BIN2: variants seen among roughly 807,000 people sequenced by gnomAD.
BIN2 encodes breast cancer associated protein BRAP1.
A neutral mutation model predicts 67.9 loss-of-function variants in BIN2; 43 were observed. That is an observed-to-expected ratio of 0.63 (90% CI 0.50 to 0.82). The LOEUF (loss-of-function observed/expected upper bound fraction) is 0.82, where lower values mean the gene tolerates loss of function less well. BIN2 is among the 40% of genes least tolerant of loss of function. The pLI, the probability that BIN2 is intolerant of heterozygous loss-of-function variation, is 0.00. For missense variants in BIN2, 581 were observed against 671.6 expected (o/e 0.87, Z 1.49); for synonymous variants, 244 against 246.8 (o/e 0.99, Z 0.11).
intron 2 of BIN2, among the ~76,000 whole-genome samples, chr12:51,310,202 C>A (rs1321705946): frequency 6.6e-6 from 1 of 152,194 alleles, no homozygotes; most frequent in Non-Finnish European, 1.5e-5. Context: ...TAAGTCTATC[C>A]ATTTATAGAA....
intron 2 of BIN2, among the ~76,000 whole-genome samples, chr12:51,309,810 A>G (rs975132263): frequency 3.3e-5 from 5 of 152,178 alleles, no homozygotes; most frequent in South Asian, 2.1e-4. Context: ...GTTCTTCCTG[A>G]TGGCGCTTCT....
chr12:51,324,118 G>T lies in BIN2; in HGVS notation c.-16C>A. On this transcript the variant is annotated 5_prime_UTR_variant, in exon 1 of 13. Coordinates refer to ENST00000615107, the MANE Select transcript of BIN2 (RefSeq NM_016293.4). ...CCTCTGCCATCCTGCCAACTCCCTG[G>T]GGGCCGCCGCCCTGGCCCCGCGCCC... 6.2e-7 allele frequency: 1 copy of T among 1,611,964 alleles called. No individual in the cohort carries two copies.
At chr12:51,321,565 G>C (rs6580824) in intron 1 of BIN2, among the ~76,000 whole-genome samples, 1 of 151,664 alleles carries the variant, frequency 6.6e-6, no homozygotes, top group South Asian at 2.1e-4. Context: ...ACACCCGGCT[G>C]ATTTTGTATT....
At chr12:51,299,400 C>G (rs1317478544) in intron 6 of BIN2, 112 bp from the exon 7 acceptor site, 2 of 1,106,562 alleles carry the variant, frequency 1.8e-6, no homozygotes, top group East Asian at 2.4e-5. Flanking sequence ...GGAGCCATCC[C>G]TCTTCTTCCC....
chr12:51,321,392 G>A (rs974722908), intron 1 of BIN2, among the ~76,000 whole-genome samples: 1 of 152,052 alleles, frequency 6.6e-6, no homozygotes, highest in African/African-American at 2.4e-5. Flanking sequence ...AAGGGAGAGA[G>A]AATCACTTTG....
At chr12:51,303,281 C>T in intron 2 of BIN2, 140 bp from the exon 3 acceptor site, 7 of 844,240 alleles carry the variant, frequency 8.3e-6, no homozygotes, top group South Asian at 7.7e-5. Context: ...ATAAGTCAGC[C>T]TTTACTTTCT....
chr12:51,284,669 C>A, intron 12 of BIN2, 47 bp downstream of exon 12: 1 of 1,454,322 alleles, frequency 6.9e-7, no homozygotes, highest in South Asian at 1.1e-5. Flanking sequence ...TTTCCCAAAC[C>A]CCTGTCAATC....
intron 1 of BIN2, among the ~76,000 whole-genome samples, chr12:51,318,652 C>T (rs1442310739): frequency 1.3e-5 from 2 of 152,170 alleles, no homozygotes; most frequent in African/African-American, 4.8e-5. Flanking sequence ...CAGATATGGG[C>T]TCCTATCTTG....
rs538372967 is a variant in BIN2 at position 51,317,944 on chromosome 12, C to T, written c.82-4041G>A. Among the ~76,000 whole-genome samples, 96 of 151,998 alleles carry T rather than the reference C, an allele frequency of 6.3e-4. 1 individual carries two copies. Among genetic ancestry groups the T allele is most frequent in the African/African-American group, 2.1e-3 (88 of 41,460 alleles). On this transcript the variant is annotated intron_variant, in intron 1 of 12. Transcript: ENST00000615107. Reference sequence around the variant, plus strand: ...CGGAGCTTGCAGTGACCCGAGATAGCGCCACCGCAGTCCGGCCTAGGCAAA... The same window carrying T: ...CGGAGCTTGCAGTGACCCGAGATAGTGCCACCGCAGTCCGGCCTAGGCAAA...
At chr12:51,295,995 G>T in intron 8 of BIN2, 117 bp from the exon 9 acceptor site, 1 of 759,090 alleles carries the variant, frequency 1.3e-6, no homozygotes. Flanking sequence ...TTTCAATTCT[G>T]ATGTGAATTC....
At chr12:51,293,102 A>C (rs1490422247) in intron 9 of BIN2, among the ~76,000 whole-genome samples, 2 of 152,026 alleles carry the variant, frequency 1.3e-5, no homozygotes, top group Non-Finnish European at 2.9e-5. Flanking sequence ...TGGTTGATGA[A>C]AATGTTGTGA....
chr12:51,302,373 G>A (rs1360836338), intron 4 of BIN2: 18 of 528,026 alleles, frequency 3.4e-5, no homozygotes, highest in South Asian at 2.3e-4. Flanking sequence ...GAGCTTAGAT[G>A]GGAAAGTTTA....
At chr12:51,308,347 C>T (rs777350438) in intron 2 of BIN2, among the ~76,000 whole-genome samples, 2 of 152,160 alleles carry the variant, frequency 1.3e-5, no homozygotes, top group African/African-American at 2.4e-5. Context: ...GAATCCTTGC[C>T]GAATTCTTGG....
At chr12:51,306,453 T>G (rs954578725) in intron 2 of BIN2, among the ~76,000 whole-genome samples, 1 of 151,996 alleles carries the variant, frequency 6.6e-6, no homozygotes, top group African/African-American at 2.4e-5. Flanking sequence ...ATGGTGAAAG[T>G]CCGTCTCCAC....
chr12:51,289,513 G>T (rs1265638444), intron 10 of BIN2, among the ~76,000 whole-genome samples: 1 of 152,062 alleles, frequency 6.6e-6, no homozygotes, highest in African/African-American at 2.4e-5. Context: ...TACGTGGGAG[G>T]CTAAGGAGGG....
Position 51,297,533 on chromosome 12 carries a change from C to CTCCA in BIN2, c.603-373_603-370dup, listed in dbSNP as rs1235423966. 9.2e-5 allele frequency among the ~76,000 whole-genome samples: 14 copies of CTCCA among 152,224 alleles called. No homozygotes were observed. The East Asian group carries it at 2.3e-3, about 25-fold the overall frequency. ...AGTGAGCCGAGATCGTGCCACTGCA[C>CTCCA]TCCAGCCTGGGCGACAGAGCGAGAC... On this transcript the variant is annotated intron_variant, in intron 7 of 12. Transcript: ENST00000615107.
chr12:51,307,261 C>T (rs1945890402), intron 2 of BIN2, among the ~76,000 whole-genome samples: 2 of 135,168 alleles, frequency 1.5e-5, no homozygotes, highest in African/African-American at 2.8e-5. Context: ...CTAGCCTGGG[C>T]GACAGAGTGA....
intron 5 of BIN2, among the ~76,000 whole-genome samples, chr12:51,301,174 C>T (rs370226395): frequency 2.6e-4 from 39 of 152,004 alleles, no homozygotes; most frequent in African/African-American, 7.0e-4. Context: ...GCCAAGACTG[C>T]GCCATTGCAC....
rs960878663 is a variant in BIN2 at position 51,323,963 on chromosome 12, G to GCTCGGC, written c.81+53_81+58dup. 64 of 1,594,666 alleles carry GCTCGGC rather than the reference G, an allele frequency of 4.0e-5. No homozygotes were observed. In the African/African-American group the frequency reaches 5.3e-4, roughly 13 times the overall value. On this transcript the variant is annotated intron_variant, in intron 1 of 12. Coordinates refer to ENST00000615107, the MANE Select transcript of BIN2 (RefSeq NM_016293.4). ...CTGCCCGCCCCTCCTGCCCGGCCGG[G>GCTCGGC]CTCGGCCTCGGCCTCGGCTCCCTGT...
Sources: allele counts gnomAD v4.1 joint callset (sites outside exome capture counted in the v4.1 genomes callset), GRCh38; gene constraint gnomAD v4.1.1; transcripts MANE v1.5; gene names NCBI Gene and HGNC (gene_info 2026-07-23, HGNC 2026-07-21).